The following PSG3 variants were observed in gnomAD, a reference collection of about 807,000 sequenced individuals.
PSG3 encodes the protein pregnancy specific beta-1-glycoprotein 3, also known as pregnancy-specific beta-1-glycoprotein 3.
In PSG3, 61 loss-of-function variants were observed where a neutral mutation model predicts 47.5. The ratio of observed to expected loss-of-function variants is 1.28; its 90% CI spans 1.05 to 1.59. The LOEUF is 1.59. PSG3 is among the 40% of genes most tolerant of loss of function. The probability of loss-of-function intolerance (pLI) is 0.00; values close to 1 mark genes in which losing one functional copy is unlikely to be tolerated. For missense variants in PSG3, 756 were observed against 524.0 expected (o/e 1.44, Z -4.32); for synonymous variants, 263 against 198.4 (o/e 1.33, Z -2.74).
In PSG3 at chr19:42,738,778, T is replaced by C; in HGVS notation, c.376A>G (p.Lys126Glu). Residue 126 changes from lysine to glutamate, a missense_variant, in exon 2 of 7, where the codon AAG becomes GAG. Physicochemically the swap from Lys to Glu is moderately conservative, Grantham distance 56. Transcript: ENST00000327495. ...DAGSYTLHIV[K>E]RGDGTRGETG... ...TCTCCTCTAGTCCCATCACCTCGCT[T>C]TACGATGTGTAAGGTGTAGGATCCT... 6.2e-7 allele frequency: 1 copy of C among 1,614,084 alleles called. No individual in the cohort carries two copies. Among genetic ancestry groups the C allele is most frequent in the Non-Finnish European group, 8.5e-7 (1 of 1,179,956 alleles).
In PSG3 at chr19:42,737,175, T is replaced by C. The variant is rs550690441; in HGVS notation, c.430+1549A>G. On this transcript the variant is annotated intron_variant, in intron 2 of 6. Coordinates refer to ENST00000327495, the MANE Select transcript of PSG3 (RefSeq NM_021016.4). The stretch of plus-strand genomic sequence containing the variant: ...GAGAACCCTCCGGTGGCCAAAGAGC[T>C]TCAGAGTTACATGAGGTGGGGTTGC... 5.8e-4 allele frequency among the ~76,000 whole-genome samples: 88 copies of C among 152,022 alleles called. 1 individual carries two copies. The South Asian group carries it at 0.018, about 31-fold the overall frequency.
chr19:42,732,631 T>C, intron 3 of PSG3, 153 bp downstream of exon 3: 1 of 1,555,508 alleles, frequency 6.4e-7, no homozygotes, highest in Non-Finnish European at 8.8e-7. Context: ...CTAGGCCTAC[T>C]CTGGTTTGCC....
At chr19:42,739,593 C>G (rs1354014295) in intron 1 of PSG3, 6 of 165,752 alleles carry the variant, frequency 3.6e-5, no homozygotes, top group East Asian at 1.7e-4. Flanking sequence ...TTGTGATCTT[C>G]TTTGCACCCC....
intron 5 of PSG3, among the ~76,000 whole-genome samples, 192 bp downstream of exon 5, chr19:42,728,931 C>T (rs1041831191): frequency 7.9e-5 from 12 of 152,046 alleles, no homozygotes; most frequent in African/African-American, 2.9e-4. Flanking sequence ...ACAAGGTCAG[C>T]CATGAGAAAA....
Position 42,725,892 on chromosome 19 carries a change from A to G in PSG3, c.1244-1867T>C, listed in dbSNP as rs868138106. ...TCTCTCTCTTCAACAACAACAACCA[A>G]AAAAAAAAAAAAAAAAAGAAAAAAG... On this transcript the variant is annotated intron_variant, in intron 5 of 6. Coordinates refer to ENST00000327495, the MANE Select transcript of PSG3 (RefSeq NM_021016.4). Among the ~76,000 whole-genome samples, 1,214 of 140,596 alleles carry G rather than the reference A, an allele frequency of 8.6e-3. 3 individuals carry two copies. The highest frequency in any genetic ancestry group is 0.012 in the Non-Finnish European group (752 of 63,474). 92.2% of individuals were successfully genotyped at this position (140,596 alleles called of 152,430 possible).
intron 3 of PSG3, chr19:42,732,287 G>C (rs1288812261): frequency 5.5e-6 from 1 of 181,492 alleles, no homozygotes; most frequent in Non-Finnish European, 1.2e-5. Flanking sequence ...AGAATGCTCT[G>C]CCAGTGGGTG....
rs180979830 is a variant in PSG3, at chr19:42,736,481, A to G, written c.430+2243T>C. Among the ~76,000 whole-genome samples the G allele has an allele frequency of 7.5e-3, 1,141 of 152,220 alleles. 12 individuals are homozygous for G. The highest frequency in any genetic ancestry group is 0.026 in the African/African-American group (1,092 of 41,526). ...TTTTTAGTCCTGTGCCCCTGAAACTATCCTTGAAAATCTCTAAGCCCTGAT... is the reference window on the plus strand; with the variant it reads ...TTTTTAGTCCTGTGCCCCTGAAACTGTCCTTGAAAATCTCTAAGCCCTGAT... On this transcript the variant is annotated intron_variant, in intron 2 of 6. Coordinates refer to ENST00000327495, the MANE Select transcript of PSG3 (RefSeq NM_021016.4).
chr19:42,732,934 G>T lies in PSG3; in HGVS notation c.559C>A (p.Leu187Ile). 6.2e-7 allele frequency: 1 copy of T among 1,614,130 alleles called. No homozygotes were observed. The highest frequency in any genetic ancestry group is 1.1e-5 in the South Asian group (1 of 91,068). Reference sequence around the variant, plus strand: ...AACTGCAAGCTGTGAGTCATAGGGAGGCTCTGACCATTCATCCACCACAGG... The same window carrying T: ...AACTGCAAGCTGTGAGTCATAGGGATGCTCTGACCATTCATCCACCACAGG... ...SYLWWMNGQS[L>I]PMTHSLQLSK... The change falls in exon 3 of 7, where the codon CTC becomes ATC. Residue 187 changes from leucine (L) to isoleucine (I), a missense_variant. Transcript: ENST00000327495.
chr19:42,728,128 T>C (rs368389513), intron 5 of PSG3, among the ~76,000 whole-genome samples: 1 of 151,202 alleles, frequency 6.6e-6, no homozygotes, highest in South Asian at 2.1e-4. Flanking sequence ...GGAGAAGGAG[T>C]GAGAGTTACT....
chr19:42,731,326 C>T (rs1298376536), intron 3 of PSG3, among the ~76,000 whole-genome samples: 1 of 152,190 alleles, frequency 6.6e-6, no homozygotes, highest in Non-Finnish European at 1.5e-5. Context: ...CTGAAAGACT[C>T]AAAATCTAAA....
intron 3 of PSG3, 150 bp downstream of exon 3, chr19:42,732,634 G>C (rs1267085281): frequency 6.4e-7 from 1 of 1,560,530 alleles, no homozygotes; most frequent in Non-Finnish European, 8.8e-7. Context: ...GGCCTACTCT[G>C]GTTTGCCTGG....
chr19:42,738,955 A>T lies in PSG3; in HGVS notation c.199T>A (p.Trp67Arg). The change falls in exon 2 of 7, where the codon TGG (tryptophan) becomes AGG (arginine). Residue 67 changes from tryptophan to arginine, a missense_variant. Trp to Arg is a moderately radical substitution (Grantham distance 101, BLOSUM62 -3). Transcript: ENST00000327495. ...AGGTCCTTCATTTGCCCTTTGTACCAGATGTAGCCAGCAAGATTCTGGGGC... is the reference window on the plus strand; with the variant it reads ...AGGTCCTTCATTTGCCCTTTGTACCTGATGTAGCCAGCAAGATTCTGGGGC... ...NLPQNLAGYI[W>R]YKGQMKDLYH... The T allele has an allele frequency of 6.2e-7, 1 of 1,614,060 alleles. No individual in the cohort carries two copies. Among genetic ancestry groups the T allele is most frequent in the Non-Finnish European group, 8.5e-7 (1 of 1,179,976 alleles).
At position 42,732,887 on chromosome 19, in the gene PSG3, G is replaced by A. The variant is rs118018571; in HGVS notation, c.606C>T (p.Leu202=). The change falls in exon 3 of 7, where the codon CTC becomes CTT. Residue 202 remains leucine (L), a synonymous_variant. Transcript: ENST00000327495. ...SLQLSKNKRT[L]FLFGVTKYTA... Reference sequence around the variant, plus strand: ...TGTACTTTGTGACACCAAATAGAAAGAGGGTCCTTTTGTTTTTGGACAACT... The same window carrying A: ...TGTACTTTGTGACACCAAATAGAAAAAGGGTCCTTTTGTTTTTGGACAACT... 4.3e-6 allele frequency: 7 copies of A among 1,614,168 alleles called. No homozygotes were observed. In the Admixed American group the frequency reaches 1.2e-4, roughly 27 times the overall value.
At chr19:42,736,080 A>G (rs1969558138) in intron 2 of PSG3, among the ~76,000 whole-genome samples, 1 of 152,234 alleles carries the variant, frequency 6.6e-6, no homozygotes, top group African/African-American at 2.4e-5. Context: ...CTGTAAAAGT[A>G]ACACCCTTAC....
chr19:42,726,690 T>C (rs935282705), intron 5 of PSG3, among the ~76,000 whole-genome samples: 3 of 152,188 alleles, frequency 2.0e-5, no homozygotes, highest in Non-Finnish European at 4.4e-5. Context: ...GAAGACTCAA[T>C]ATTGTTAGGA....
In PSG3 at chr19:42,738,732, G is replaced by T; in HGVS notation, c.422C>A (p.Thr141Asn). The T allele has an allele frequency of 1.9e-6, 3 of 1,613,806 alleles. No homozygotes were observed. Among genetic ancestry groups the T allele is most frequent in the Non-Finnish European group, 2.5e-6 (3 of 1,179,812 alleles). The change falls in exon 2 of 7, where the codon ACC (threonine) becomes AAC (asparagine). Residue 141 changes from threonine to asparagine, a missense_variant. Transcript: ENST00000327495. The stretch of plus-strand genomic sequence containing the variant: ...CACGTGGAGTCACTCACGGTATAAG[G>T]TGAAGGTGAAATGTCCAGTTTCTCC... Reference protein sequence around the residue: ...TRGETGHFTFTLYLETPKPSI... With the variant: ...TRGETGHFTFNLYLETPKPSI...
chr19:42,736,130 A>G (rs1233519785), intron 2 of PSG3, among the ~76,000 whole-genome samples: 1 of 152,242 alleles, frequency 6.6e-6, no homozygotes, highest in Admixed American at 6.5e-5. Flanking sequence ...GTGAAAGACC[A>G]TGAGATTAAG....
chr19:42,724,077 G>A, intron 5 of PSG3, 52 bp from the exon 6 acceptor site: 1 of 1,557,646 alleles, frequency 6.4e-7, no homozygotes, highest in South Asian at 1.1e-5. Context: ...TATTTTACAT[G>A]GGGGAGCCTC....
chr19:42,737,276 AC>A (rs1031985129), intron 2 of PSG3, among the ~76,000 whole-genome samples: 1 of 151,946 alleles, frequency 6.6e-6, no homozygotes, highest in Non-Finnish European at 1.5e-5. Flanking sequence ...TGTGGCTAGA[AC>A]CTCCTAGGAT....
Sources: allele counts gnomAD v4.1 joint callset (sites outside exome capture counted in the v4.1 genomes callset), GRCh38; gene constraint gnomAD v4.1.1; transcripts MANE v1.5; gene names NCBI Gene and HGNC (gene_info 2026-07-23, HGNC 2026-07-21).